Variants in CYSLTR2 observed in about 807,000 individuals in gnomAD.
CYSLTR2 encodes cysteinyl leukotriene receptor 2, also known as G-protein coupled receptor GPCR21.
For missense variants in CYSLTR2, 398 were observed against 411.9 expected, an observed-to-expected ratio of 0.97 and a Z score of 0.29; for synonymous variants, 179 against 160.8, an observed-to-expected ratio of 1.11 and a Z score of -0.86.
rs111326945 is a variant in CYSLTR2, at chr13:48,665,263, G to T, written c.-266+11246G>T. Among the ~76,000 whole-genome samples the T allele has an allele frequency of 6.5e-3, 989 of 152,094 alleles. 18 individuals are homozygous for T. Among genetic ancestry groups the T allele is most frequent in the African/African-American group, 0.022 (924 of 41,522 alleles). ...GTAAATCATGGAGAATGTTTCACAC[G>T]CTGATGAAAAATAAATATGTATTCT... On this transcript the variant is annotated intron_variant, in intron 1 of 4. Coordinates refer to ENST00000682523, the MANE Select transcript of CYSLTR2 (RefSeq NM_001308476.3).
chr13:48,657,428 C>T (rs908617038), intron 1 of CYSLTR2, among the ~76,000 whole-genome samples: 7 of 150,078 alleles, frequency 4.7e-5, no homozygotes, highest in Admixed American at 2.0e-4. Flanking sequence ...AAGTCCTTAA[C>T]GGAGAGGTTT....
At chr13:48,690,863 G>A (rs570205617) in intron 1 of CYSLTR2, among the ~76,000 whole-genome samples, 85 of 151,722 alleles carry the variant, frequency 5.6e-4, no homozygotes, top group Admixed American at 8.6e-4. Context: ...GGTAGATATC[G>A]GCTGTGAATC....
At chr13:48,663,470 A>G (rs113221844) in intron 1 of CYSLTR2, among the ~76,000 whole-genome samples, 1,671 of 152,264 alleles carry the variant, frequency 0.011, 33 homozygotes, top group African/African-American at 0.033. Flanking sequence ...CTCCATGAGC[A>G]TGGGTTGTCT....
chr13:48,684,028 C>T (rs1953830646), intron 1 of CYSLTR2, among the ~76,000 whole-genome samples: 1 of 152,198 alleles, frequency 6.6e-6, no homozygotes, highest in Admixed American at 6.5e-5. Flanking sequence ...AAGCAATCCT[C>T]TTGCCTCAGC....
intron 4 of CYSLTR2, among the ~76,000 whole-genome samples, chr13:48,698,376 T>C (rs111767086): frequency 0.034 from 5,137 of 152,228 alleles, 282 homozygotes; most frequent in African/African-American, 0.11. Flanking sequence ...TCAACATTCT[T>C]AAAGAAAAGA....
In CYSLTR2 at chr13:48,707,490, A is replaced by C; in HGVS notation, c.673A>C (p.Ile225Leu). 6.2e-7 allele frequency: 1 copy of C among 1,612,976 alleles called. No individual in the cohort carries two copies. The highest frequency in any genetic ancestry group is 8.5e-7 in the Non-Finnish European group (1 of 1,180,008). ...ACTCAGCATCTGTTATCTGCTGATCATTCGGGTTCTGTTAAAAGTGGAGGT... is the reference window on the plus strand; with the variant it reads ...ACTCAGCATCTGTTATCTGCTGATCCTTCGGGTTCTGTTAAAAGTGGAGGT... Reference protein sequence around the residue: ...FTLSICYLLIIRVLLKVEVPE... With the variant: ...FTLSICYLLILRVLLKVEVPE... The change falls in exon 5 of 5, where the codon ATT becomes CTT. Residue 225 changes from isoleucine to leucine, a missense_variant. Physicochemically the swap from Ile to Leu is conservative, Grantham distance 5. Coordinates refer to ENST00000682523, the MANE Select transcript of CYSLTR2 (RefSeq NM_001308476.3).
intron 3 of CYSLTR2, among the ~76,000 whole-genome samples, chr13:48,694,248 C>T (rs1008944887): frequency 2.4e-4 from 36 of 152,168 alleles, no homozygotes; most frequent in Non-Finnish European, 4.9e-4. Flanking sequence ...AAATGGTGAC[C>T]TGACGCAAAG....
At chr13:48,654,697 A>G (rs937463774) in intron 1 of CYSLTR2, among the ~76,000 whole-genome samples, 1 of 152,198 alleles carries the variant, frequency 6.6e-6, no homozygotes. Context: ...CCCCACTGGG[A>G]CCCTAATCAG....
At chr13:48,666,984 G>T (rs1355103869) in intron 1 of CYSLTR2, among the ~76,000 whole-genome samples, 1 of 152,060 alleles carries the variant, frequency 6.6e-6, no homozygotes, top group Non-Finnish European at 1.5e-5. Context: ...TATTTGATGT[G>T]TTCCTATGTT....
intron 1 of CYSLTR2, among the ~76,000 whole-genome samples, chr13:48,690,937 T>C (rs977336690): frequency 1.1e-4 from 16 of 152,238 alleles, no homozygotes; most frequent in Admixed American, 7.9e-4. Flanking sequence ...TAAGAACTTG[T>C]TATTGGAGAC....
At chr13:48,675,881 G>A (rs937603593) in intron 1 of CYSLTR2, among the ~76,000 whole-genome samples, 13 of 152,288 alleles carry the variant, frequency 8.5e-5, no homozygotes, top group Admixed American at 4.6e-4. Flanking sequence ...GTCCCTCAAG[G>A]CTTCCCTTGG....
At chr13:48,669,484 G>A (rs1267438517) in intron 1 of CYSLTR2, among the ~76,000 whole-genome samples, 1 of 151,822 alleles carries the variant, frequency 6.6e-6, no homozygotes, top group Non-Finnish European at 1.5e-5. Flanking sequence ...GTGTCCATGT[G>A]TTCTCATTGT....
chr13:48,695,970 T>C (rs1309821713), intron 3 of CYSLTR2, among the ~76,000 whole-genome samples: 5 of 152,284 alleles, frequency 3.3e-5, no homozygotes, highest in African/African-American at 1.2e-4. Context: ...TATAGTTTTT[T>C]AGGAAACAGC....
At position 48,707,206 on chromosome 13, in the gene CYSLTR2, C is replaced by T. The variant is rs1954518389; in HGVS notation, c.389C>T (p.Thr130Ile). 1.2e-6 allele frequency: 2 copies of T among 1,614,134 alleles called. No individual in the cohort carries two copies. Among genetic ancestry groups the T allele is most frequent in the Middle Eastern group, 1.6e-4 (1 of 6,062 alleles). Reference sequence around the variant, plus strand: ...ATGTACAGCAGTATTTATTTCCTGACCGTGCTGAGTGTTGTGCGTTTCCTG... The same window carrying T: ...ATGTACAGCAGTATTTATTTCCTGATCGTGCTGAGTGTTGTGCGTTTCCTG... ...VNMYSSIYFL[T>I]VLSVVRFLAM... The change falls in exon 5 of 5, where the codon ACC becomes ATC. Residue 130 changes from threonine to isoleucine, a missense_variant. By Grantham distance (89) the Thr-to-Ile change is moderately conservative. Transcript: ENST00000682523.
chr13:48,670,153 G>T (rs1953383853), intron 1 of CYSLTR2, among the ~76,000 whole-genome samples: 1 of 152,144 alleles, frequency 6.6e-6, no homozygotes. Flanking sequence ...ACTTGTTTAA[G>T]TTCCTTGTAG....
At chr13:48,658,371 T>C (rs540243777) in intron 1 of CYSLTR2, among the ~76,000 whole-genome samples, 1 of 152,314 alleles carries the variant, frequency 6.6e-6, no homozygotes, top group Non-Finnish European at 1.5e-5. Flanking sequence ...TGTGAGTTCT[T>C]TCCCGCCCCC....
At chr13:48,679,985 A>G (rs1040565225) in intron 1 of CYSLTR2, among the ~76,000 whole-genome samples, 3 of 151,954 alleles carry the variant, frequency 2.0e-5, no homozygotes, top group Non-Finnish European at 4.4e-5. Context: ...CAGGTCTACC[A>G]GTTTTCCCCC....
intron 1 of CYSLTR2, among the ~76,000 whole-genome samples, chr13:48,690,383 G>T (rs559959161): frequency 6.6e-6 from 1 of 152,274 alleles, no homozygotes; most frequent in South Asian, 2.1e-4. Context: ...GATATTGGCT[G>T]TGGGTTTGTC....
intron 1 of CYSLTR2, among the ~76,000 whole-genome samples, chr13:48,672,499 A>T (rs947232265): frequency 6.6e-6 from 1 of 152,126 alleles, no homozygotes; most frequent in Non-Finnish European, 1.5e-5. Flanking sequence ...CATTGGTTTC[A>T]AAGAATTTAT....
Sources: allele counts gnomAD v4.1 joint callset (sites outside exome capture counted in the v4.1 genomes callset), GRCh38; gene constraint gnomAD v4.1.1; transcripts MANE v1.5; gene names NCBI Gene and HGNC (gene_info 2026-07-23, HGNC 2026-07-21).